DLG5: variants seen among roughly 807,000 people sequenced by gnomAD.
DLG5 encodes disks large homolog 5.
In DLG5, 48 loss-of-function variants were observed where a neutral mutation model predicts 189.8. That is an observed-to-expected ratio of 0.25 (90% CI 0.20 to 0.32). The LOEUF (loss-of-function observed/expected upper bound fraction) is 0.32. Among genes scored for constraint, DLG5 ranks in the 10% least tolerant of loss-of-function variants. DLG5 has a pLI of 1.00. For missense variants in DLG5, 2,160 were observed against 2,544.7 expected (o/e 0.85, Z 3.25); for synonymous variants, 1,016 against 1,054.1 (o/e 0.96, Z 0.70).
intron 17 of DLG5, among the ~76,000 whole-genome samples, chr10:77,818,765 T>C (rs1842186554): frequency 7.0e-6 from 1 of 142,886 alleles, no homozygotes; most frequent in Admixed American, 7.1e-5. Flanking sequence ...CTTGGCACCA[T>C]CTGATATCAC....
intron 1 of DLG5, among the ~76,000 whole-genome samples, chr10:77,894,035 T>A (rs886977131): frequency 6.6e-6 from 1 of 152,216 alleles, no homozygotes; most frequent in Non-Finnish European, 1.5e-5. Flanking sequence ...AGGCCTCACA[T>A]AGGAAGCTGT....
rs1373899842 is a variant in DLG5 at position 77,830,210 on chromosome 10, C to T, written c.2009+7G>A. ...CTTGCCTCCAGAGCCTGGGCCTCAACTCTTACCTTAAGCGGCCATCAGCAA... is the reference window on the plus strand; with the variant it reads ...CTTGCCTCCAGAGCCTGGGCCTCAATTCTTACCTTAAGCGGCCATCAGCAA... On this transcript the variant is annotated splice_region_variant and intron_variant, in intron 11 of 31. Coordinates refer to ENST00000372391, the MANE Select transcript of DLG5 (RefSeq NM_004747.4). 6.2e-7 allele frequency: 1 copy of T among 1,613,932 alleles called. No individual in the cohort carries two copies. The highest frequency in any genetic ancestry group is 8.5e-7 in the Non-Finnish European group (1 of 1,180,012).
intron 1 of DLG5, among the ~76,000 whole-genome samples, chr10:77,925,973 T>C (rs977694048): frequency 6.6e-6 from 1 of 152,146 alleles, no homozygotes. Flanking sequence ...GGGGACCCTG[T>C]CGTCGAGGCA....
chr10:77,886,048 G>A (rs770060644), intron 1 of DLG5, among the ~76,000 whole-genome samples: 5 of 152,232 alleles, frequency 3.3e-5, no homozygotes, highest in Non-Finnish European at 7.3e-5. Context: ...TCGGTCAACA[G>A]AGCTTCTGGC....
chr10:77,839,891 C>T (rs1843334333), intron 7 of DLG5, among the ~76,000 whole-genome samples: 1 of 152,206 alleles, frequency 6.6e-6, no homozygotes, highest in African/African-American at 2.4e-5. Context: ...ATTCCCATTA[C>T]TTGGCTGGCC....
intron 16 of DLG5, 91 bp from the exon 17 acceptor site, chr10:77,819,556 C>T (rs1842232527): frequency 2.0e-6 from 3 of 1,473,380 alleles, no homozygotes; most frequent in African/African-American, 2.8e-5. Flanking sequence ...CAGGACGCAG[C>T]CGCAGTCTTT....
chr10:77,895,183 G>A (rs1845723243), intron 1 of DLG5, among the ~76,000 whole-genome samples: 1 of 152,044 alleles, frequency 6.6e-6, no homozygotes, highest in African/African-American at 2.4e-5. Context: ...CTCACCCGCA[G>A]GGCAGCACTG....
In DLG5 at chr10:77,806,919, G is replaced by A. The variant is rs538249699; in HGVS notation, c.4806C>T (p.Tyr1602=). ...CTTGCTCCACATCTGCCAGCCGGTC[G>A]TACAGGGCCCTGGACCACAGCACAG... ...PGDSFYIRAL[Y]DRLADVEQEL... Residue 1602 remains tyrosine (Y), a synonymous_variant, in exon 26 of 32, where the codon TAC becomes TAT. Coordinates refer to ENST00000372391, the MANE Select transcript of DLG5 (RefSeq NM_004747.4). 19 of 1,613,294 alleles carry A rather than the reference G, an allele frequency of 1.2e-5. No individual in the cohort carries two copies. Among genetic ancestry groups the A allele is most frequent in the South Asian group, 2.2e-5 (2 of 91,060 alleles).
intron 8 of DLG5, among the ~76,000 whole-genome samples, chr10:77,834,463 C>T (rs866854966): frequency 1.7e-4 from 26 of 152,290 alleles, no homozygotes; most frequent in Middle Eastern, 3.4e-3. Flanking sequence ...TCATATCTAC[C>T]CACAGGCAGA....
At chr10:77,834,406 A>AC (rs1277226301) in intron 8 of DLG5, among the ~76,000 whole-genome samples, 3 of 151,044 alleles carry the variant, frequency 2.0e-5, no homozygotes, top group African/African-American at 7.3e-5. Context: ...TGCATGAAGC[A>AC]CCCCCCACCT....
chr10:77,926,148 C>A lies in DLG5; in HGVS notation c.304+69G>T. 1 of 1,291,258 alleles carries A rather than the reference C, an allele frequency of 7.7e-7. No individual in the cohort carries two copies. The highest frequency in any genetic ancestry group is 9.9e-7 in the Non-Finnish European group (1 of 1,010,246). 80.0% of individuals were successfully genotyped at this position (1,291,258 alleles called of 1,614,324 possible). A position where few individuals can be genotyped will look rare whatever the true frequency, so the allele number is the denominator to read the frequency against. On this transcript the variant is annotated intron_variant, in intron 1 of 31. Coordinates refer to ENST00000372391, the MANE Select transcript of DLG5 (RefSeq NM_004747.4). This position sits in a 1 kb window ranked among gnomAD's most constrained non-coding sequence, Gnocchi z 5.2. Reference sequence around the variant, plus strand: ...GTGGAGCGGCGGCCCCGGCGAGGTACCCTCGGCCAGCAGGAGGGAGAAGCG... The same window carrying A: ...GTGGAGCGGCGGCCCCGGCGAGGTAACCTCGGCCAGCAGGAGGGAGAAGCG...
intron 5 of DLG5, 70 bp from the exon 6 acceptor site, chr10:77,843,776 T>G: frequency 6.3e-7 from 1 of 1,595,436 alleles, no homozygotes; most frequent in East Asian, 2.2e-5. Context: ...CACTCTCACT[T>G]TTGTCTATCT....
At chr10:77,816,811 G>A (rs957207786) in intron 19 of DLG5, 110 bp from the exon 20 acceptor site, 14 of 1,454,580 alleles carry the variant, frequency 9.6e-6, no homozygotes, top group Admixed American at 2.1e-5. Flanking sequence ...CCACTGCATC[G>A]CATAGTCTGG....
At chr10:77,880,026 C>T (rs1845227410) in intron 1 of DLG5, among the ~76,000 whole-genome samples, 1 of 152,094 alleles carries the variant, frequency 6.6e-6, no homozygotes, top group Non-Finnish European at 1.5e-5. Context: ...GGAAGGAGTA[C>T]AGACAGCAAG....
intron 7 of DLG5, among the ~76,000 whole-genome samples, chr10:77,838,341 C>T (rs1843249567): frequency 6.6e-6 from 1 of 152,180 alleles, no homozygotes; most frequent in African/African-American, 2.4e-5. Flanking sequence ...GACCTCAACT[C>T]CCCAGGCAGT....
intron 30 of DLG5, 81 bp from the exon 31 acceptor site, chr10:77,794,198 G>GCC (rs944746386): frequency 7.7e-7 from 1 of 1,300,666 alleles, no homozygotes; most frequent in Admixed American, 1.7e-5. Flanking sequence ...GCTAACAGGG[G>GCC]CCCCATCAAG....
At chr10:77,890,400 C>T (rs1297961450) in intron 1 of DLG5, among the ~76,000 whole-genome samples, 1 of 152,218 alleles carries the variant, frequency 6.6e-6, no homozygotes, top group African/African-American at 2.4e-5. Flanking sequence ...TCATCCACCC[C>T]ACGATTCACC....
At chr10:77,911,802 C>T (rs890456282) in intron 1 of DLG5, among the ~76,000 whole-genome samples, 6 of 151,942 alleles carry the variant, frequency 3.9e-5, no homozygotes, top group African/African-American at 7.3e-5. Context: ...GCAGCCCCCA[C>T]GGCAGGCTGC....
chr10:77,794,877 T>C lies in DLG5; in HGVS notation c.5518A>G (p.Ile1840Val). The C allele has an allele frequency of 6.2e-7, 1 of 1,614,054 alleles. No individual in the cohort carries two copies. The highest frequency in any genetic ancestry group is 2.2e-5 in the East Asian group (1 of 44,866). Residue 1840 changes from isoleucine (I) to valine (V), a missense_variant, in exon 30 of 32, where the codon ATC becomes GTC. Ile to Val is a conservative substitution (Grantham distance 29, BLOSUM62 3). Around this residue, in one of 5 missense-constraint regions of DLG5, gnomAD observed 574 missense variants for 644.2 expected, o/e 0.89. Transcript: ENST00000372391. ...ATGTGCTTGGCGCTCTTGTAGTGGA[T>C]GAAGATGACAATGGGGTAGATGTGC... ...HMHIYPIVIF[I>V]HYKSAKHIKE...
Sources: allele counts gnomAD v4.1 joint callset (sites outside exome capture counted in the v4.1 genomes callset), GRCh38; gene constraint gnomAD v4.1.1; regional missense constraint gnomAD v4.1.1; non-coding constraint Gnocchi (gnomAD v3.1); transcripts MANE v1.5; gene names NCBI Gene and HGNC (gene_info 2026-07-23, HGNC 2026-07-21).